Variants in THADA observed in about 807,000 individuals in gnomAD.
THADA encodes the protein tRNA (32-2'-O)-methyltransferase regulator THADA.
In THADA, 213 loss-of-function variants were observed where a neutral mutation model predicts 219.8. The ratio of observed to expected loss-of-function variants is 0.97; its 90% CI spans 0.87 to 1.09. The LOEUF (loss-of-function observed/expected upper bound fraction) is 1.09. Among genes scored for constraint, THADA ranks in the 50% least tolerant of loss-of-function variants. The pLI is 0.00. For synonymous variants in THADA, 1,018 were observed against 828.9 expected, an observed-to-expected ratio of 1.23 and a Z score of -3.92; for missense variants, 2,956 against 2,311.3, an observed-to-expected ratio of 1.28 and a Z score of -5.72.
intron 26 of THADA, among the ~76,000 whole-genome samples, chr2:43,480,243 G>A (rs936897961): frequency 1.3e-5 from 2 of 152,188 alleles, no homozygotes; most frequent in African/African-American, 4.8e-5. Flanking sequence ...GCAGAGCTGT[G>A]ATCTCGGCTA....
intron 26 of THADA, among the ~76,000 whole-genome samples, chr2:43,474,463 T>G (rs1363861422): frequency 6.6e-6 from 1 of 152,166 alleles, no homozygotes; most frequent in Admixed American, 6.5e-5. Context: ...TTATCTCTCC[T>G]CCTCCACTCT....
intron 36 of THADA, among the ~76,000 whole-genome samples, chr2:43,250,035 C>A (rs1669654697): frequency 6.6e-6 from 1 of 152,296 alleles, no homozygotes; most frequent in Non-Finnish European, 1.5e-5. Context: ...ATGTGACCCA[C>A]AATTCCACTC....
intron 3 of THADA, among the ~76,000 whole-genome samples, chr2:43,591,749 T>A (rs922111865): frequency 6.6e-6 from 1 of 152,186 alleles, no homozygotes; most frequent in African/African-American, 2.4e-5. Context: ...ACAGTTCAAT[T>A]ATGATAGAAG....
At chr2:43,530,022 G>T (rs1399607444) in intron 21 of THADA, among the ~76,000 whole-genome samples, 2 of 151,906 alleles carry the variant, frequency 1.3e-5, no homozygotes, top group Non-Finnish European at 2.9e-5. Flanking sequence ...CTAAATAGAG[G>T]AAAACTAAAG....
At chr2:43,402,684 G>C (rs1435473836) in intron 28 of THADA, among the ~76,000 whole-genome samples, 1 of 152,228 alleles carries the variant, frequency 6.6e-6, no homozygotes, top group Admixed American at 6.5e-5. Context: ...GAACTGGAGA[G>C]AAAATCACTG....
intron 20 of THADA, 101 bp downstream of exon 20, chr2:43,549,109 G>T: frequency 1.9e-6 from 2 of 1,068,234 alleles, no homozygotes; most frequent in Non-Finnish European, 2.6e-6. Flanking sequence ...GAAATGTTCT[G>T]CACAGATTTG....
intron 26 of THADA, among the ~76,000 whole-genome samples, chr2:43,464,447 G>A (rs1321514355): frequency 2.6e-5 from 4 of 152,210 alleles, no homozygotes; most frequent in African/African-American, 7.2e-5. Context: ...TGCTTATGAA[G>A]TGGACTGGTA....
intron 28 of THADA, 97 bp downstream of exon 28, chr2:43,428,003 G>C: frequency 2.1e-6 from 1 of 480,356 alleles, no homozygotes; most frequent in Non-Finnish European, 2.9e-6. Flanking sequence ...AAATATATAT[G>C]ATATATATAA....
chr2:43,455,786 A>T (rs1457510771), intron 26 of THADA, among the ~76,000 whole-genome samples: 2 of 152,254 alleles, frequency 1.3e-5, no homozygotes, highest in African/African-American at 4.8e-5. Context: ...ATGCAGAATT[A>T]AAAGATTTTT....
At chr2:43,531,805 G>T (rs1693907443) in intron 21 of THADA, among the ~76,000 whole-genome samples, 1 of 151,980 alleles carries the variant, frequency 6.6e-6, no homozygotes, top group South Asian at 2.1e-4. Flanking sequence ...TTTTTTAGAG[G>T]TAACTATTAA....
chr2:43,286,760 G>C (rs1674065519), intron 35 of THADA, 148 bp downstream of exon 35: 3 of 885,202 alleles, frequency 3.4e-6, no homozygotes, highest in East Asian at 5.3e-5. Context: ...AATGATTAGA[G>C]CATGAACTAA....
intron 30 of THADA, among the ~76,000 whole-genome samples, chr2:43,326,131 T>A (rs1679296470): frequency 6.8e-6 from 1 of 147,110 alleles, no homozygotes; most frequent in African/African-American, 2.5e-5. Flanking sequence ...CATTAGGTCA[T>A]ATGTAAAAGC....
At chr2:43,323,716 G>C (rs1679009858) in intron 30 of THADA, among the ~76,000 whole-genome samples, 1 of 152,168 alleles carries the variant, frequency 6.6e-6, no homozygotes, top group Non-Finnish European at 1.5e-5. Flanking sequence ...GATGTAAGGA[G>C]TTAACCCAAA....
intron 35 of THADA, among the ~76,000 whole-genome samples, chr2:43,280,220 A>G (rs1199671611): frequency 6.6e-6 from 1 of 152,214 alleles, no homozygotes; most frequent in Non-Finnish European, 1.5e-5. Flanking sequence ...CTGATTCTCT[A>G]GAAGAAAACT....
intron 7 of THADA, among the ~76,000 whole-genome samples, chr2:43,584,100 C>T (rs75597324): frequency 0.15 from 22,936 of 147,990 alleles, 2,140 homozygotes; most frequent in African/African-American, 0.26. Context: ...AAGGACAAAT[C>T]CTACATGATT....
At chr2:43,358,078 C>G (rs1473891882) in intron 29 of THADA, among the ~76,000 whole-genome samples, 1 of 152,154 alleles carries the variant, frequency 6.6e-6, no homozygotes, top group African/African-American at 2.4e-5. Context: ...CCTGATTCAG[C>G]TGTCACCATT....
intron 19 of THADA, among the ~76,000 whole-genome samples, chr2:43,550,402 A>C (rs1696614977): frequency 6.6e-6 from 1 of 152,214 alleles, no homozygotes; most frequent in Non-Finnish European, 1.5e-5. Context: ...CAGCCATGAA[A>C]AACTAACAAT....
chr2:43,259,395 A>G (rs1391534719), intron 36 of THADA, among the ~76,000 whole-genome samples: 2 of 152,246 alleles, frequency 1.3e-5, no homozygotes, highest in Non-Finnish European at 2.9e-5. Flanking sequence ...GAGATAGTAC[A>G]TGATTGTCCG....
At chr2:43,416,912 A>G (rs1677053417) in intron 28 of THADA, among the ~76,000 whole-genome samples, 1 of 152,204 alleles carries the variant, frequency 6.6e-6, no homozygotes, top group African/African-American at 2.4e-5. Flanking sequence ...CATACTATTC[A>G]GTAATGTAAA....
Sources: gnomAD v4.1 joint callset for allele counts (sites outside exome capture counted in the v4.1 genomes callset) on GRCh38, gnomAD v4.1.1 for gene constraint, MANE v1.5 for transcripts, NCBI Gene and HGNC (gene_info 2026-07-23, HGNC 2026-07-21) for gene names.